MAP3K13: variants seen among roughly 807,000 people sequenced by gnomAD.
MAP3K13 encodes the protein mitogen-activated protein kinase kinase kinase 13, also known as leucine zipper-bearing kinase.
Under a neutral mutation model 104.0 loss-of-function variants are expected in MAP3K13, and 52 were observed. The observed-to-expected ratio is 0.50, with a 90% CI of 0.40 to 0.63. The LOEUF is 0.63. Among genes scored for constraint, MAP3K13 ranks in the 20% least tolerant of loss-of-function variants. MAP3K13 has a pLI of 0.00. For synonymous variants in MAP3K13, 394 were observed against 442.2 expected, an observed-to-expected ratio of 0.89 and a Z score of 1.37; for missense variants, 914 against 1,218.5, an observed-to-expected ratio of 0.75 and a Z score of 3.72.
chr3:185,485,405 A>G lies in MAP3K13; in HGVS notation c.*2949A>G, dbSNP rs754291403. On this transcript the variant is annotated 3_prime_UTR_variant, in exon 14 of 14. Transcript: ENST00000265026. ...TTTCATGGTTTCAGTTACGCTCAACAGCAGTCCAAAAATATTTGATGGAAC... is the reference window on the plus strand; with the variant it reads ...TTTCATGGTTTCAGTTACGCTCAACGGCAGTCCAAAAATATTTGATGGAAC... 3.3e-5 allele frequency: 5 copies of G among 152,248 alleles called. No homozygotes were observed. The highest frequency in any genetic ancestry group is 7.3e-5 in the Non-Finnish European group (5 of 68,044). The allele number at this position is 152,248 out of a possible 1,614,324, so 9.4% of individuals were successfully genotyped here. A position where few individuals can be genotyped will look rare whatever the true frequency, so the allele number is the denominator to read the frequency against.
intron 2 of MAP3K13, among the ~76,000 whole-genome samples, chr3:185,345,455 G>C (rs1339668023): frequency 2.0e-5 from 3 of 152,186 alleles, no homozygotes; most frequent in Non-Finnish European, 4.4e-5. Flanking sequence ...CTGCACAGCA[G>C]ATGAGCAGCA....
rs1718859271 is a variant in MAP3K13 at position 185,489,056 on chromosome 3, G to A, written c.*6600G>A. The A allele has an allele frequency of 6.6e-6, 1 of 152,136 alleles. No homozygotes were observed. Among genetic ancestry groups the A allele is most frequent in the Non-Finnish European group, 1.5e-5 (1 of 68,038 alleles). The allele number at this position is 152,136 out of a possible 1,614,324, so 9.4% of individuals were successfully genotyped here. A position where few individuals can be genotyped will look rare whatever the true frequency, so the allele number is the denominator to read the frequency against. Reference sequence around the variant, plus strand: ...AATGGGAACAAGAATGACTATCAAAGCAAACAAATGCATGGAATTAAACAA... The same window carrying A: ...AATGGGAACAAGAATGACTATCAAAACAAACAAATGCATGGAATTAAACAA... On this transcript the variant is annotated 3_prime_UTR_variant, in exon 14 of 14. Coordinates refer to ENST00000265026, the MANE Select transcript of MAP3K13 (RefSeq NM_004721.5).
Position 185,483,072 on chromosome 3 carries a change from C to G in MAP3K13, c.*616C>G, listed in dbSNP as rs546101711. The G allele has an allele frequency of 4.3e-6, 1 of 232,420 alleles. No homozygotes were observed. The highest frequency in any genetic ancestry group is 8.5e-6 in the Non-Finnish European group (1 of 117,656). The allele number at this position is 232,420 out of a possible 1,614,324, so 14.4% of individuals were successfully genotyped here. On this transcript the variant is annotated 3_prime_UTR_variant, in exon 14 of 14. Transcript: ENST00000265026. ...TCAACCAGCTTGTCCAGGTGGCTTA[C>G]GGAAATGACCTAGAAAAGTCTGGTG... is the stretch of plus-strand genomic sequence containing the variant.
At chr3:185,452,429 GT>G (rs1304684432) in intron 7 of MAP3K13, among the ~76,000 whole-genome samples, 2 of 152,004 alleles carry the variant, frequency 1.3e-5, no homozygotes, top group Non-Finnish European at 2.9e-5. Flanking sequence ...TAGAGATGTG[GT>G]TTCACCATGT....
At chr3:185,351,245 A>G (rs1314287116) in intron 2 of MAP3K13, among the ~76,000 whole-genome samples, 2 of 152,206 alleles carry the variant, frequency 1.3e-5, no homozygotes, top group Non-Finnish European at 2.9e-5. Context: ...CCTATTGGGC[A>G]CTATGTTTAT....
intron 1 of MAP3K13, among the ~76,000 whole-genome samples, chr3:185,401,878 A>C (rs1267943223): frequency 6.6e-6 from 1 of 152,126 alleles, no homozygotes; most frequent in Non-Finnish European, 1.5e-5. Flanking sequence ...TTTTTGGTAG[A>C]TTATTAAAGC....
chr3:185,323,892 A>G (rs952538591), intron 2 of MAP3K13, among the ~76,000 whole-genome samples: 8 of 152,220 alleles, frequency 5.3e-5, no homozygotes, highest in African/African-American at 1.9e-4. Flanking sequence ...GTATCTTATG[A>G]AACTTTTTTA....
At chr3:185,427,298 A>G (rs1577544723) in intron 1 of MAP3K13, among the ~76,000 whole-genome samples, 2 of 151,548 alleles carry the variant, frequency 1.3e-5, no homozygotes, top group South Asian at 4.2e-4. Context: ...TGGGAGGCGG[A>G]GGTTGCAGTG....
intron 4 of MAP3K13, 74 bp from the exon 5 acceptor site, chr3:185,447,715 G>A (rs1715670729): frequency 1.7e-6 from 2 of 1,211,778 alleles, no homozygotes; most frequent in South Asian, 1.5e-5. Flanking sequence ...AAAGTCTTCA[G>A]TTTCAGCCAT....
At chr3:185,324,229 A>G (rs1265105515) in intron 2 of MAP3K13, among the ~76,000 whole-genome samples, 1 of 152,034 alleles carries the variant, frequency 6.6e-6, no homozygotes, top group Non-Finnish European at 1.5e-5. Context: ...CATGTTAGCC[A>G]GGATGGTCTC....
rs1010847873 is a variant in MAP3K13, at chr3:185,315,431, G to A, written c.-86+29788G>A. ...TAGAGTTTCTGATTCAGTAGGTCTG[G>A]TTGGGGTCTGAGAATCTGCATTTCT... On this transcript the variant is annotated intron_variant, in intron 2 of 14. Transcript: ENST00000424227. The surrounding 1 kb of genome is among the most constrained non-coding windows in gnomAD (Gnocchi z 4.3). Among the ~76,000 whole-genome samples, 3 of 152,140 alleles carry A rather than the reference G, an allele frequency of 2.0e-5. No individual in the cohort carries two copies. Among genetic ancestry groups the A allele is most frequent in the Non-Finnish European group, 4.4e-5 (3 of 68,026 alleles).
chr3:185,340,672 G>A (rs144009724), intron 2 of MAP3K13, among the ~76,000 whole-genome samples: 9 of 152,198 alleles, frequency 5.9e-5, no homozygotes, highest in South Asian at 2.1e-4. Flanking sequence ...TGTCAAGGGC[G>A]GGACCAGGTG....
chr3:185,314,738 A>G (rs1034277902), intron 2 of MAP3K13, among the ~76,000 whole-genome samples: 69 of 152,232 alleles, frequency 4.5e-4, no homozygotes, highest in African/African-American at 1.6e-3. Flanking sequence ...TCCTGCCTCA[A>G]GTGATCCTCC....
intron 1 of MAP3K13, among the ~76,000 whole-genome samples, chr3:185,376,487 C>G (rs1403551709): frequency 6.6e-6 from 1 of 152,068 alleles, no homozygotes; most frequent in African/African-American, 2.4e-5. Context: ...AGTCCCGGCT[C>G]TTGTGTGAGA....
chr3:185,363,573 T>A (rs1426966316), intron 1 of MAP3K13, among the ~76,000 whole-genome samples: 1 of 152,212 alleles, frequency 6.6e-6, no homozygotes, highest in South Asian at 2.1e-4. Context: ...CCTTTGCTTG[T>A]CTGCCTGCTA....
intron 1 of MAP3K13, among the ~76,000 whole-genome samples, chr3:185,369,949 C>T (rs772384453): frequency 9.2e-5 from 14 of 152,180 alleles, no homozygotes; most frequent in Non-Finnish European, 5.9e-5. Flanking sequence ...GCAATCAGGT[C>T]GTCCTTACCA....
Position 185,384,568 on chromosome 3 carries a change from T to C in MAP3K13, c.-86+21200T>C, listed in dbSNP as rs1368966983. Among the ~76,000 whole-genome samples, 4 of 152,310 alleles carry C rather than the reference T, an allele frequency of 2.6e-5. No individual in the cohort carries two copies. The East Asian group carries it at 7.7e-4, about 29-fold the overall frequency. On this transcript the variant is annotated intron_variant, in intron 1 of 13. Transcript: ENST00000265026. ...TTGTTTTCCATAATGGCTGTATTTA[T>C]TGATGTTCCCACCAACAGTGTATAA... is the stretch of plus-strand genomic sequence containing the variant.
At chr3:185,316,824 T>C (rs1023757871) in intron 2 of MAP3K13, among the ~76,000 whole-genome samples, 2 of 152,138 alleles carry the variant, frequency 1.3e-5, no homozygotes, top group South Asian at 2.1e-4. Context: ...GGCATTAGTA[T>C]CCCATCCTAA....
intron 2 of MAP3K13, among the ~76,000 whole-genome samples, chr3:185,348,928 C>CAAATAAAT (rs34907374): frequency 6.2e-4 from 93 of 151,006 alleles, no homozygotes; most frequent in South Asian, 3.8e-3. Flanking sequence ...AACAAACAAA[C>CAAATAAAT]AAATAAATAA....
Sources: allele counts gnomAD v4.1 joint callset (sites outside exome capture counted in the v4.1 genomes callset), GRCh38; gene constraint gnomAD v4.1.1; non-coding constraint Gnocchi (gnomAD v3.1); transcripts MANE v1.5; gene names NCBI Gene and HGNC (gene_info 2026-07-23, HGNC 2026-07-21).